TTC3: variants seen among roughly 807,000 people sequenced by gnomAD.
The protein encoded by TTC3 is tetratricopeptide repeat domain 3, also known as E3 ubiquitin-protein ligase TTC3.
TTC3 carries 180 observed loss-of-function variants against 249.6 expected under a neutral mutation model. That is an observed-to-expected ratio of 0.72 (90% CI 0.64 to 0.82). TTC3 has a LOEUF of 0.82. TTC3 is among the 40% of genes least tolerant of loss of function. The pLI is 0.00. For missense variants in TTC3, 2,061 were observed against 2,398.4 expected (o/e 0.86, Z 2.94); for synonymous variants, 717 against 805.0 (o/e 0.89, Z 1.85).
At chr21:37,148,397 A>T (rs1427672719) in intron 22 of TTC3, 149 bp from the exon 23 acceptor site, 3 of 441,730 alleles carry the variant, frequency 6.8e-6, no homozygotes, top group Non-Finnish European at 1.2e-5. Flanking sequence ...TGTTTATAAA[A>T]TATTTGATAT....
chr21:37,163,400 G>T (rs2080952840), intron 31 of TTC3, among the ~76,000 whole-genome samples: 1 of 152,170 alleles, frequency 6.6e-6, no homozygotes, highest in Admixed American at 6.5e-5. Context: ...GCCCAGGCTG[G>T]AGCGCAATGG....
At chr21:37,080,441 G>A (rs1368544556) in intron 1 of TTC3, among the ~76,000 whole-genome samples, 2 of 151,288 alleles carry the variant, frequency 1.3e-5, no homozygotes, top group Non-Finnish European at 2.9e-5. Context: ...GTACACTTGT[G>A]AAGAGTATAT....
At chr21:37,091,492 T>C (rs1239488356) in intron 7 of TTC3, 79 bp downstream of exon 7, 19 of 1,301,256 alleles carry the variant, frequency 1.5e-5, no homozygotes, top group Non-Finnish European at 1.9e-5. Flanking sequence ...AGTTAAGTGA[T>C]TTCTGATTTA....
At chr21:37,082,023 C>A (rs911546484) in intron 1 of TTC3, 4 of 151,974 alleles carry the variant, frequency 2.6e-5, no homozygotes, top group Non-Finnish European at 5.9e-5. Context: ...CGCCACCACG[C>A]CCGGCTAATT....
chr21:37,090,106 T>C lies in TTC3; in HGVS notation c.427-127T>C, dbSNP rs936797963. On this transcript the variant is annotated intron_variant, in intron 5 of 45. Coordinates refer to ENST00000355666, the Ensembl canonical transcript of TTC3. ...TTAAGGGGTAACTTGGTCATGTAAA[T>C]GCTTGTCGGAAGTGTACTACTGAGT... 2.6e-5 allele frequency: 15 copies of C among 579,582 alleles called. No individual in the cohort carries two copies. The African/African-American group carries it at 2.9e-4, about 11-fold the overall frequency. 35.9% of individuals were successfully genotyped at this position (579,582 alleles called of 1,614,324 possible).
intron 34 of TTC3, among the ~76,000 whole-genome samples, chr21:37,171,311 G>C (rs549561856): frequency 1.3e-5 from 2 of 152,330 alleles, no homozygotes; most frequent in South Asian, 4.1e-4. Flanking sequence ...TTAGGACCTT[G>C]ATGCTAGTAT....
In TTC3 at chr21:37,087,424, C is replaced by T. The variant is rs563231547; in HGVS notation, c.144+23C>T. The T allele has an allele frequency of 5.6e-6, 9 of 1,611,986 alleles. No individual in the cohort carries two copies. The East Asian group carries it at 1.8e-4, about 32-fold the overall frequency. Reference sequence around the variant, plus strand: ...GTGGTAAGTAGGTTTGCTAATTTTTCATTTTTGACATTGTGTATTGAAGGT... The same window carrying T: ...GTGGTAAGTAGGTTTGCTAATTTTTTATTTTTGACATTGTGTATTGAAGGT... On this transcript the variant is annotated intron_variant, in intron 2 of 45. Transcript: ENST00000355666.
chr21:37,087,381 C>A, exon 2 of TTC3: 1 of 1,613,896 alleles, frequency 6.2e-7, no homozygotes, highest in African/African-American at 1.3e-5. Context: ...TCGTGTGACT[C>A]AGCTTTACTG....
Position 37,122,965 on chromosome 21 carries a change from G to A in TTC3, c.1064-18G>A. ...TCCATTGATTACTATGTGTGTGTGT[G>A]TGTGATGACTTTTATAGGTCGAACA... On this transcript the variant is annotated intron_variant, in intron 12 of 45. Coordinates refer to ENST00000355666, the Ensembl canonical transcript of TTC3. 2.1e-6 allele frequency: 3 copies of A among 1,461,352 alleles called. No homozygotes were observed. Among genetic ancestry groups the A allele is most frequent in the African/African-American group, 3.0e-5 (1 of 33,490 alleles). 90.5% of individuals were successfully genotyped at this position (1,461,352 alleles called of 1,614,324 possible). A position where few individuals can be genotyped will look rare whatever the true frequency, so the allele number is the denominator to read the frequency against.
At chr21:37,189,764 T>C (rs1404406774) in intron 39 of TTC3, among the ~76,000 whole-genome samples, 1 of 151,978 alleles carries the variant, frequency 6.6e-6, no homozygotes, top group Non-Finnish European at 1.5e-5. Flanking sequence ...GCCAGGGTGG[T>C]CTCAATCTCC....
chr21:37,153,318 A>G (rs1289814547), intron 27 of TTC3, 41 bp downstream of exon 27: 1 of 1,532,170 alleles, frequency 6.5e-7, no homozygotes, highest in Non-Finnish European at 8.8e-7. Flanking sequence ...CTTTAATACG[A>G]AGGGGAAGTG....
At chr21:37,184,629 A>ATTTTTTTTTTT (rs765134090) in intron 36 of TTC3, among the ~76,000 whole-genome samples, 2 of 121,540 alleles carry the variant, frequency 1.6e-5, no homozygotes, top group African/African-American at 3.0e-5. Context: ...TAATTTTTCT[A>ATTTTTTTTTTT]TTTTTTTTTT....
At chr21:37,089,038 G>A (rs373152406) in intron 5 of TTC3, 152 bp downstream of exon 5, 42 of 634,322 alleles carry the variant, frequency 6.6e-5, no homozygotes, top group Admixed American at 1.2e-4. Flanking sequence ...CCATCAGTGC[G>A]TGCTCAGTAT....
intron 11 of TTC3, among the ~76,000 whole-genome samples, chr21:37,111,287 AGT>A (rs1295065255): frequency 6.6e-6 from 1 of 152,238 alleles, no homozygotes; most frequent in African/African-American, 2.4e-5. Context: ...AAGACCGATC[AGT>A]GTGCTGTATT....
chr21:37,177,466 G>A (rs554230627), intron 35 of TTC3, among the ~76,000 whole-genome samples: 21 of 152,282 alleles, frequency 1.4e-4, no homozygotes, highest in African/African-American at 4.6e-4. Flanking sequence ...ACTACAGTAG[G>A]TCAGCGCCAG....
At chr21:37,121,883 A>T (rs774787637) in exon 12 of TTC3, 36 of 1,613,156 alleles carry the variant, frequency 2.2e-5, no homozygotes, top group Non-Finnish European at 3.1e-5. Context: ...GCAAGCAAAC[A>T]TAAAAGCTCA....
At chr21:37,098,011 G>C in intron 10 of TTC3, 1 of 698,188 alleles carries the variant, frequency 1.4e-6, no homozygotes, top group Non-Finnish European at 2.6e-6. Flanking sequence ...GAATACCGCT[G>C]TATTAACGTT....
At position 37,153,323 on chromosome 21, in the gene TTC3, G is replaced by A. The variant is rs752310582; in HGVS notation, c.2740+46G>A. 5.3e-6 allele frequency: 8 copies of A among 1,503,942 alleles called. No homozygotes were observed. In the African/African-American group the frequency reaches 9.8e-5, roughly 18 times the overall value. 93.2% of individuals were successfully genotyped at this position (1,503,942 alleles called of 1,614,324 possible). A position where few individuals can be genotyped will look rare whatever the true frequency, so the allele number is the denominator to read the frequency against. ...GAGCAATAAACTTTAATACGAAGGG[G>A]AAGTGTAGGTCTCTGAGTCATTTTC... On this transcript the variant is annotated intron_variant, in intron 27 of 45. Transcript: ENST00000355666.
intron 11 of TTC3, among the ~76,000 whole-genome samples, chr21:37,113,929 C>A (rs982762379): frequency 1.3e-5 from 2 of 152,108 alleles, no homozygotes; most frequent in African/African-American, 4.8e-5. Flanking sequence ...CAAAAACAAG[C>A]AATGGGGAAA....
Sources: allele counts gnomAD v4.1 joint callset (sites outside exome capture counted in the v4.1 genomes callset), GRCh38; gene constraint gnomAD v4.1.1; transcripts MANE v1.5; gene names NCBI Gene and HGNC (gene_info 2026-07-23, HGNC 2026-07-21).